Variants in AOAH observed in about 807,000 individuals in gnomAD.
The protein encoded by AOAH is acyloxyacyl hydrolase (neutrophil).
In AOAH, 64 loss-of-function variants were observed where a neutral mutation model predicts 92.2. That is an observed-to-expected ratio of 0.69 (90% CI 0.57 to 0.86). The LOEUF (loss-of-function observed/expected upper bound fraction) is 0.86, where lower values mean the gene tolerates loss of function less well. AOAH is among the 40% of genes least tolerant of loss of function. The pLI is 0.00. For missense variants in AOAH, 656 were observed against 694.6 expected, an observed-to-expected ratio of 0.94 and a Z score of 0.62; for synonymous variants, 263 against 254.5, an observed-to-expected ratio of 1.03 and a Z score of -0.32.
At chr7:36,660,402 G>A (rs1045570955) in intron 3 of AOAH, among the ~76,000 whole-genome samples, 4 of 152,096 alleles carry the variant, frequency 2.6e-5, no homozygotes, top group African/African-American at 9.7e-5. Context: ...TGCAACCTCC[G>A]CCCCCTGGGT....
intron 13 of AOAH, among the ~76,000 whole-genome samples, chr7:36,552,267 T>C (rs1157439895): frequency 6.6e-6 from 1 of 152,182 alleles, no homozygotes; most frequent in African/African-American, 2.4e-5. Flanking sequence ...TGGTTTTCTG[T>C]TCCTGTGTTA....
chr7:36,695,247 A>T (rs941029923), intron 1 of AOAH, among the ~76,000 whole-genome samples: 2 of 152,200 alleles, frequency 1.3e-5, no homozygotes, highest in Non-Finnish European at 2.9e-5. Context: ...TATATTTTTT[A>T]AAAGTACTCT....
intron 6 of AOAH, among the ~76,000 whole-genome samples, chr7:36,626,559 A>G (rs1792677912): frequency 6.6e-6 from 1 of 152,120 alleles, no homozygotes; most frequent in Admixed American, 6.5e-5. Flanking sequence ...CAACAACTTC[A>G]TTTGGTAGCA....
intron 3 of AOAH, among the ~76,000 whole-genome samples, chr7:36,669,863 A>G (rs1332070609): frequency 6.6e-6 from 1 of 152,234 alleles, no homozygotes; most frequent in Non-Finnish European, 1.5e-5. Flanking sequence ...AGAGAAGCAT[A>G]AATAGATACC....
intron 1 of AOAH, among the ~76,000 whole-genome samples, chr7:36,722,357 G>A (rs1262461991): frequency 6.6e-6 from 1 of 152,178 alleles, no homozygotes; most frequent in African/African-American, 2.4e-5. Flanking sequence ...TTTTACTGAA[G>A]TGAAGGTCCA....
intron 13 of AOAH, among the ~76,000 whole-genome samples, chr7:36,551,948 C>T (rs1051788844): frequency 1.3e-5 from 2 of 152,112 alleles, no homozygotes; most frequent in South Asian, 2.1e-4. Flanking sequence ...GATACAGGTG[C>T]ACTTCTGTTA....
intron 1 of AOAH, among the ~76,000 whole-genome samples, chr7:36,711,689 G>A (rs1006644811): frequency 6.6e-6 from 1 of 152,228 alleles, no homozygotes; most frequent in African/African-American, 2.4e-5. Context: ...GCAGAGGGCA[G>A]TAGCTGTGTC....
At chr7:36,517,942 CACCCACACACACACA>C (rs1783899746) in intron 20 of AOAH, among the ~76,000 whole-genome samples, 1 of 32,372 alleles carries the variant, frequency 3.1e-5, no homozygotes, top group Non-Finnish European at 5.1e-5. Flanking sequence ...CACACACACA[CACCCACACACACACA>C]CACACACACA....
chr7:36,547,353 C>T (rs1275231471), intron 15 of AOAH, among the ~76,000 whole-genome samples: 1 of 152,240 alleles, frequency 6.6e-6, no homozygotes, highest in Non-Finnish European at 1.5e-5. Flanking sequence ...GCCCTGAACA[C>T]ACTTCACTGA....
At chr7:36,605,958 T>G (rs1022487327) in intron 11 of AOAH, among the ~76,000 whole-genome samples, 1 of 152,248 alleles carries the variant, frequency 6.6e-6, no homozygotes, top group Non-Finnish European at 1.5e-5. Flanking sequence ...GTTTCTCTCC[T>G]CATCACCTAG....
intron 6 of AOAH, 62 bp downstream of exon 6, chr7:36,631,974 G>A (rs567303178): frequency 2.3e-6 from 3 of 1,324,932 alleles, no homozygotes; most frequent in South Asian, 2.6e-5. Context: ...CATTAGAAAA[G>A]GGGGACAAGC....
chr7:36,624,700 A>T, intron 6 of AOAH, among the ~76,000 whole-genome samples: 1 of 152,040 alleles, frequency 6.6e-6, no homozygotes, highest in East Asian at 1.9e-4. Flanking sequence ...CAGTGACTCT[A>T]CCTCTAGCCA....
chr7:36,656,286 C>T (rs1434892819), intron 4 of AOAH, among the ~76,000 whole-genome samples: 2 of 152,068 alleles, frequency 1.3e-5, no homozygotes, highest in Non-Finnish European at 2.9e-5. Context: ...GCATATACCG[C>T]GCGAGGCCTT....
intron 2 of AOAH, among the ~76,000 whole-genome samples, chr7:36,680,741 A>G (rs887386731): frequency 2.6e-5 from 4 of 152,244 alleles, no homozygotes; most frequent in African/African-American, 9.6e-5. Context: ...AGGTAAAACA[A>G]GAATTGATAA....
At chr7:36,679,136 G>A (rs947774272) in intron 2 of AOAH, among the ~76,000 whole-genome samples, 8 of 151,974 alleles carry the variant, frequency 5.3e-5, no homozygotes, top group African/African-American at 1.9e-4. Flanking sequence ...ATAAAACATA[G>A]GACATTCCAA....
At chr7:36,533,319 C>T (rs1464607673) in intron 16 of AOAH, among the ~76,000 whole-genome samples, 2 of 152,144 alleles carry the variant, frequency 1.3e-5, no homozygotes, top group Admixed American at 1.3e-4. Context: ...GGACCTATCT[C>T]AGAATGAAGA....
chr7:36,571,427 C>T (rs1788141988), intron 13 of AOAH, among the ~76,000 whole-genome samples: 1 of 152,224 alleles, frequency 6.6e-6, no homozygotes, highest in African/African-American at 2.4e-5. Context: ...TCTCCAGCCC[C>T]TTCCAATCCT....
chr7:36,552,857 G>C (rs1786375565), intron 13 of AOAH, among the ~76,000 whole-genome samples: 1 of 152,068 alleles, frequency 6.6e-6, no homozygotes. Context: ...AATTCGCTTA[G>C]GATAATGGCC....
At chr7:36,580,142 T>C (rs1328187140) in intron 12 of AOAH, among the ~76,000 whole-genome samples, 1 of 152,222 alleles carries the variant, frequency 6.6e-6, no homozygotes, top group Non-Finnish European at 1.5e-5. Context: ...AAATTCATGA[T>C]GTTCAGTTTT....
Sources: gnomAD v4.1 joint callset for allele counts (sites outside exome capture counted in the v4.1 genomes callset) on GRCh38, gnomAD v4.1.1 for gene constraint, MANE v1.5 for transcripts, NCBI Gene and HGNC (gene_info 2026-07-23, HGNC 2026-07-21) for gene names.